Variants in LDLRAD4 observed in about 807,000 individuals in gnomAD.
LDLRAD4 encodes the protein low density lipoprotein receptor class A domain containing 4.
In LDLRAD4, 5 loss-of-function variants were observed where a neutral mutation model predicts 17.0. That is an observed-to-expected ratio of 0.29 (90% CI 0.15 to 0.62). LDLRAD4 has a LOEUF of 0.62. Ranked by LOEUF, LDLRAD4 falls within the 20% of genes least tolerant of loss-of-function variation. The pLI is 0.84. For missense variants in LDLRAD4, 340 were observed against 424.7 expected, an observed-to-expected ratio of 0.80 and a Z score of 1.75; for synonymous variants, 168 against 171.8, an observed-to-expected ratio of 0.98 and a Z score of 0.17.
intron 1 of LDLRAD4, among the ~76,000 whole-genome samples, chr18:13,333,467 T>C (rs1268423755): frequency 6.6e-6 from 1 of 152,240 alleles, no homozygotes; most frequent in Non-Finnish European, 1.5e-5. Flanking sequence ...GCCTTTAGTG[T>C]TGAATCTAAG....
chr18:13,328,789 C>G (rs1429642227), intron 1 of LDLRAD4, among the ~76,000 whole-genome samples: 1 of 152,160 alleles, frequency 6.6e-6, no homozygotes, highest in Non-Finnish European at 1.5e-5. Context: ...CCTCCTATGC[C>G]TATTCTCCAT....
chr18:13,332,136 A>C (rs1198095766), intron 1 of LDLRAD4, among the ~76,000 whole-genome samples: 2 of 152,246 alleles, frequency 1.3e-5, no homozygotes, highest in Non-Finnish European at 2.9e-5. Context: ...TTGGTACAAC[A>C]AGTTTTGGTA....
chr18:13,616,679 G>A (rs2040112967), intron 3 of LDLRAD4, among the ~76,000 whole-genome samples: 1 of 152,222 alleles, frequency 6.6e-6, no homozygotes, highest in African/African-American at 2.4e-5. Context: ...TGTGAGGATG[G>A]TGGTCTCTGG....
intron 3 of LDLRAD4, among the ~76,000 whole-genome samples, chr18:13,537,930 G>T (rs2094222507): frequency 6.6e-6 from 1 of 151,998 alleles, no homozygotes; most frequent in Non-Finnish European, 1.5e-5. Flanking sequence ...CAAGAAATTT[G>T]TCCATTTTCA....
chr18:13,313,070 T>C lies in LDLRAD4; in HGVS notation c.-383+34882T>C, dbSNP rs1278583290. On this transcript the variant is annotated intron_variant, in intron 1 of 5. Transcript: ENST00000359446. Reference sequence around the variant, plus strand: ...CTGCTGTGCGTGCTGTGTGGCTTGATGTTTGTAAGGATTTTTGCAGGTCAC... The same window carrying C: ...CTGCTGTGCGTGCTGTGTGGCTTGACGTTTGTAAGGATTTTTGCAGGTCAC... 1.3e-5 allele frequency among the ~76,000 whole-genome samples: 2 copies of C among 152,172 alleles called. 1 individual carries two copies. The highest frequency in any genetic ancestry group is 2.9e-5 in the Non-Finnish European group (2 of 68,040).
intron 3 of LDLRAD4, among the ~76,000 whole-genome samples, chr18:13,575,069 TTTTTA>T (rs1287652094): frequency 2.0e-5 from 3 of 152,330 alleles, no homozygotes; most frequent in African/African-American, 7.2e-5. Context: ...GTTTGTTTGT[TTTTTA>T]TTTTAATTTT....
At chr18:13,303,774 G>A (rs2046746088) in intron 1 of LDLRAD4, among the ~76,000 whole-genome samples, 1 of 152,148 alleles carries the variant, frequency 6.6e-6, no homozygotes. Context: ...ACCCTCTTAG[G>A]AATGGGAAGC....
chr18:13,446,190 A>G (rs1215810995), intron 3 of LDLRAD4, among the ~76,000 whole-genome samples: 1 of 152,194 alleles, frequency 6.6e-6, no homozygotes, highest in Non-Finnish European at 1.5e-5. Flanking sequence ...TAGAAAGGTC[A>G]TAAGAATGCA....
rs140643056 is a variant in LDLRAD4 at position 13,300,251 on chromosome 18, G to A, written c.-383+22063G>A. On this transcript the variant is annotated intron_variant, in intron 1 of 5. Coordinates refer to ENST00000359446, the Ensembl canonical transcript of LDLRAD4. The surrounding 1 kb of genome is among the most constrained non-coding windows in gnomAD (Gnocchi z 4.2). ...CCAGGCACAGCAGAGAGCCAGGCCC[G>A]CAGAGGGGGCCGGCAGCCTCTTCCC... Among the ~76,000 whole-genome samples, 2 of 152,320 alleles carry A rather than the reference G, an allele frequency of 1.3e-5. No individual in the cohort carries two copies. Among genetic ancestry groups the A allele is most frequent in the Non-Finnish European group, 2.9e-5 (2 of 68,020 alleles).
intron 3 of LDLRAD4, among the ~76,000 whole-genome samples, chr18:13,552,555 G>A (rs1277189229): frequency 6.6e-6 from 1 of 152,210 alleles, no homozygotes; most frequent in Non-Finnish European, 1.5e-5. Flanking sequence ...CTCTCTGGTT[G>A]CTGGTGCAGT....
At chr18:13,245,305 G>A (rs905481938) in intron 1 of LDLRAD4, among the ~76,000 whole-genome samples, 3 of 152,202 alleles carry the variant, frequency 2.0e-5, no homozygotes, top group African/African-American at 7.2e-5. Flanking sequence ...GGTGAGACAG[G>A]CACGTGAGGG....
chr18:13,418,119 G>A (rs116073579), intron 2 of LDLRAD4, among the ~76,000 whole-genome samples: 3,150 of 143,626 alleles, frequency 0.022, 60 homozygotes, highest in African/African-American at 0.052. Flanking sequence ...CTCCCCACCC[G>A]CCCTCTGAGG....
intron 3 of LDLRAD4, among the ~76,000 whole-genome samples, chr18:13,447,948 A>G (rs2091530304): frequency 6.6e-6 from 1 of 152,166 alleles, no homozygotes; most frequent in Non-Finnish European, 1.5e-5. Flanking sequence ...CCAGATAGAA[A>G]TCAACGTGAT....
intron 1 of LDLRAD4, among the ~76,000 whole-genome samples, chr18:13,332,878 G>A (rs2085046): frequency 0.97 from 148,313 of 152,298 alleles, 72,334 homozygotes; most frequent in East Asian, 1. Context: ...ATAAGTGTCC[G>A]TAAGTAGGTT....
intron 3 of LDLRAD4, among the ~76,000 whole-genome samples, chr18:13,528,505 G>C (rs931443835): frequency 6.6e-6 from 1 of 152,088 alleles, no homozygotes; most frequent in Non-Finnish European, 1.5e-5. Context: ...TAGAGATGGG[G>C]TTTTGCCATG....
chr18:13,324,437 T>C (rs536511312), intron 1 of LDLRAD4, among the ~76,000 whole-genome samples: 21 of 152,286 alleles, frequency 1.4e-4, no homozygotes, highest in Admixed American at 1.3e-3. Context: ...CCACCGCGCC[T>C]GGCCTCAAGT....
intron 3 of LDLRAD4, chr18:13,612,955 G>T: frequency 1.6e-6 from 1 of 618,584 alleles, no homozygotes; most frequent in Middle Eastern, 2.7e-4. Flanking sequence ...CCTTTAGGAA[G>T]ATGCATGTCA....
intron 3 of LDLRAD4, among the ~76,000 whole-genome samples, chr18:13,499,767 A>G (rs1290350001): frequency 2.0e-5 from 3 of 152,192 alleles, no homozygotes; most frequent in African/African-American, 7.2e-5. Context: ...AGCCGTGGAC[A>G]CTGGAGAATC....
intron 1 of LDLRAD4, among the ~76,000 whole-genome samples, chr18:13,320,966 G>T (rs929610590): frequency 2.6e-5 from 4 of 152,212 alleles, no homozygotes; most frequent in African/African-American, 4.8e-5. Context: ...GTGGGGAAAA[G>T]TAAATTGGAG....
Sources: gnomAD v4.1 joint callset for allele counts (sites outside exome capture counted in the v4.1 genomes callset) on GRCh38, gnomAD v4.1.1 for gene constraint, Gnocchi (gnomAD v3.1) non-coding constraint, MANE v1.5 for transcripts, NCBI Gene and HGNC (gene_info 2026-07-23, HGNC 2026-07-21) for gene names.